The following PREP variants were observed in gnomAD, a reference collection of about 807,000 sequenced individuals.
The protein encoded by PREP is dJ355L5.1 (prolyl endopeptidase).
PREP carries 29 observed loss-of-function variants against 87.6 expected under a neutral mutation model. The ratio of observed to expected loss-of-function variants is 0.33; its 90% CI spans 0.25 to 0.45. The LOEUF is 0.45. Among genes scored for constraint, PREP ranks in the 20% least tolerant of loss-of-function variants. PREP has a pLI of 1.00. For synonymous variants in PREP, 337 were observed against 328.6 expected (o/e 1.03, Z -0.28); for missense variants, 695 against 886.5 (o/e 0.78, Z 2.74).
intron 10 of PREP, among the ~76,000 whole-genome samples, chr6:105,306,837 G>A (rs374718336): frequency 5.4e-5 from 8 of 148,222 alleles, no homozygotes; most frequent in East Asian, 4.0e-4. Flanking sequence ...GGCCTGATAC[G>A]AATCCTACAC....
chr6:105,301,022 CAGTT>C (rs773502177), intron 10 of PREP, among the ~76,000 whole-genome samples: 23 of 149,088 alleles, frequency 1.5e-4, no homozygotes, highest in Non-Finnish European at 2.4e-4. Context: ...AATGTGCAAT[CAGTT>C]AGGTTCCTGA....
intron 2 of PREP, among the ~76,000 whole-genome samples, chr6:105,387,476 A>C (rs1773028510): frequency 6.6e-6 from 1 of 152,122 alleles, no homozygotes. Context: ...CCTGATAGTG[A>C]ACCAATGGGG....
intron 2 of PREP, among the ~76,000 whole-genome samples, chr6:105,395,456 G>A (rs1773265809): frequency 6.6e-6 from 1 of 151,936 alleles, no homozygotes; most frequent in Admixed American, 6.6e-5. Context: ...GTAAAATGGG[G>A]GAAATAAAAA....
At chr6:105,286,532 A>G (rs1314033356) in intron 11 of PREP, among the ~76,000 whole-genome samples, 2 of 152,150 alleles carry the variant, frequency 1.3e-5, no homozygotes, top group East Asian at 3.9e-4. Flanking sequence ...CTGTGACCCT[A>G]AAAGTACTGA....
At chr6:105,370,302 CAAA>C (rs71549435) in intron 5 of PREP, among the ~76,000 whole-genome samples, 1,733 of 77,978 alleles carry the variant, frequency 0.022, 34 homozygotes, top group African/African-American at 0.068. Flanking sequence ...GACTCCATCT[CAAA>C]AAAAAAAAAA....
intron 7 of PREP, among the ~76,000 whole-genome samples, chr6:105,336,749 T>C (rs1242252662): frequency 6.6e-6 from 1 of 152,214 alleles, no homozygotes; most frequent in Non-Finnish European, 1.5e-5. Flanking sequence ...TTCTGCAAAA[T>C]GGTTTGCCTC....
chr6:105,316,449 T>C (rs1770871204), intron 10 of PREP, among the ~76,000 whole-genome samples: 1 of 152,196 alleles, frequency 6.6e-6, no homozygotes, highest in Non-Finnish European at 1.5e-5. Context: ...TGTGATGTAA[T>C]AATGAAAAAG....
intron 10 of PREP, among the ~76,000 whole-genome samples, chr6:105,293,118 T>G (rs1190047): frequency 0.3 from 46,260 of 152,174 alleles, 7,763 homozygotes; most frequent in African/African-American, 0.46. Context: ...CAAGTTATTT[T>G]CCTTTGCATT....
chr6:105,338,695 T>A (rs1041224113), intron 7 of PREP, among the ~76,000 whole-genome samples: 2 of 152,208 alleles, frequency 1.3e-5, no homozygotes, highest in African/African-American at 4.8e-5. Flanking sequence ...ACCCTAATAC[T>A]GCACTTTTCC....
intron 14 of PREP, among the ~76,000 whole-genome samples, chr6:105,279,808 T>TTTAAA (rs1770039245): frequency 6.6e-6 from 1 of 152,250 alleles, no homozygotes; most frequent in Non-Finnish European, 1.5e-5. Context: ...TTTCTTTGTT[T>TTTAAA]TTAAATTAAG....
chr6:105,279,367 T>A (rs1770021404), intron 14 of PREP, among the ~76,000 whole-genome samples: 1 of 152,218 alleles, frequency 6.6e-6, no homozygotes, highest in South Asian at 2.1e-4. Flanking sequence ...ATCTGTTTTC[T>A]GATCTCATTT....
At chr6:105,383,985 T>C (rs1772919303) in intron 2 of PREP, among the ~76,000 whole-genome samples, 1 of 152,124 alleles carries the variant, frequency 6.6e-6, no homozygotes, top group South Asian at 2.1e-4. Context: ...ATCCAAACTG[T>C]AACAAGATTA....
chr6:105,295,640 T>C (rs1019594722), intron 10 of PREP, among the ~76,000 whole-genome samples: 7 of 152,066 alleles, frequency 4.6e-5, no homozygotes, highest in African/African-American at 1.7e-4. Flanking sequence ...ATCCTGTTGG[T>C]GTATGTCCTT....
At chr6:105,286,017 C>T (rs1431618159) in intron 11 of PREP, among the ~76,000 whole-genome samples, 1 of 152,190 alleles carries the variant, frequency 6.6e-6, no homozygotes, top group East Asian at 1.9e-4. Context: ...CTCAAGTGAT[C>T]CGCCTGCTTT....
intron 6 of PREP, among the ~76,000 whole-genome samples, chr6:105,363,470 A>G (rs560331630): frequency 1.3e-5 from 2 of 152,228 alleles, no homozygotes; most frequent in East Asian, 3.9e-4. Context: ...AAAGCCTCAC[A>G]GTCTATATTA....
At position 105,276,517 on chromosome 6, in the gene PREP, TC is replaced by T. The variant is rs1371359433; in HGVS notation, c.*1626del. Among the ~76,000 whole-genome samples the T allele has an allele frequency of 6.6e-6, 1 of 152,234 alleles. No homozygotes were observed. The highest frequency in any genetic ancestry group is 1.9e-4 in the East Asian group (1 of 5,204). On this transcript the variant is annotated 3_prime_UTR_variant, in exon 15 of 15. Transcript: ENST00000652536. Reference sequence around the variant, plus strand: ...CTGGCTTGACCATGCAAATGTATTTTCTTTCTTTCCTGCCATGCTGGTCAGC... The same window carrying T: ...CTGGCTTGACCATGCAAATGTATTTTTTTCTTTCCTGCCATGCTGGTCAGC...
chr6:105,383,679 G>A (rs9372088), intron 2 of PREP, among the ~76,000 whole-genome samples: 6 of 152,090 alleles, frequency 3.9e-5, no homozygotes, highest in Admixed American at 2.6e-4. Flanking sequence ...GCTTGTCCCC[G>A]TGTGGGTAAA....
intron 9 of PREP, among the ~76,000 whole-genome samples, chr6:105,326,316 C>T (rs58971260): frequency 0.18 from 27,631 of 152,078 alleles, 5,179 homozygotes; most frequent in African/African-American, 0.48. Flanking sequence ...CAGAGTTCAC[C>T]GGTTCAACCA....
At chr6:105,373,314 T>C (rs1032942220) in intron 5 of PREP, 55 bp downstream of exon 5, 2 of 1,546,840 alleles carry the variant, frequency 1.3e-6, no homozygotes, top group African/African-American at 1.4e-5. Flanking sequence ...TTTCAGTCAC[T>C]TGAAGTCACA....
Sources: allele counts gnomAD v4.1 joint callset (sites outside exome capture counted in the v4.1 genomes callset), GRCh38; gene constraint gnomAD v4.1.1; transcripts MANE v1.5; gene names NCBI Gene and HGNC (gene_info 2026-07-23, HGNC 2026-07-21).